ARFGEF1: variants seen among roughly 807,000 people sequenced by gnomAD.
The protein encoded by ARFGEF1 is ARF guanine nucleotide exchange factor 1.
A neutral mutation model predicts 231.0 loss-of-function variants in ARFGEF1; 42 were observed. The ratio of observed to expected loss-of-function variants is 0.18; its 90% CI spans 0.14 to 0.24. The LOEUF is 0.24. Among genes scored for constraint, ARFGEF1 ranks in the 10% least tolerant of loss-of-function variants. The pLI is 1.00. For synonymous variants in ARFGEF1, 710 were observed against 732.3 expected (o/e 0.97, Z 0.49); for missense variants, 1,345 against 2,192.0 (o/e 0.61, Z 7.72).
chr8:67,318,871 G>C (rs899812370), intron 1 of ARFGEF1, among the ~76,000 whole-genome samples: 1 of 152,174 alleles, frequency 6.6e-6, no homozygotes, highest in African/African-American at 2.4e-5. Context: ...TACTTGGGAG[G>C]CCAAGGCAGG....
chr8:67,301,059 T>G (rs1183088775), intron 3 of ARFGEF1, among the ~76,000 whole-genome samples, 165 bp downstream of exon 3: 1 of 152,240 alleles, frequency 6.6e-6, no homozygotes, highest in East Asian at 1.9e-4. Flanking sequence ...AATATCTTTT[T>G]GCAACTATTA....
chr8:67,288,464 GGCTCAT>G (rs1309896339), intron 6 of ARFGEF1, among the ~76,000 whole-genome samples: 1 of 151,016 alleles, frequency 6.6e-6, no homozygotes, highest in Non-Finnish European at 1.5e-5. Context: ...TGGGTGCAGT[GGCTCAT>G]GCCTGTAATT....
At chr8:67,188,156 C>A (rs1835203141) in intron 5 of ARFGEF1, among the ~76,000 whole-genome samples, 1 of 152,126 alleles carries the variant, frequency 6.6e-6, no homozygotes, top group Non-Finnish European at 1.5e-5. Context: ...GACTGTTATC[C>A]AAAATACACA....
chr8:67,326,683 CTG>C (rs1184109960), intron 1 of ARFGEF1, among the ~76,000 whole-genome samples: 2 of 152,154 alleles, frequency 1.3e-5, no homozygotes, highest in African/African-American at 4.8e-5. Flanking sequence ...TTCTTGGAAA[CTG>C]TGATTTTAAG....
chr8:67,299,142 G>C, intron 4 of ARFGEF1, 67 bp downstream of exon 4: 1 of 1,351,500 alleles, frequency 7.4e-7, no homozygotes, highest in Non-Finnish European at 1.0e-6. Context: ...AATGTTTTAA[G>C]GTGAAAGGCA....
chr8:67,309,340 C>A (rs1481317434), intron 1 of ARFGEF1, among the ~76,000 whole-genome samples: 1 of 152,218 alleles, frequency 6.6e-6, no homozygotes, highest in African/African-American at 2.4e-5. Flanking sequence ...CTTTAGTGAT[C>A]TGTTACATAG....
chr8:67,199,133 T>C, intron 38 of ARFGEF1, 35 bp from the exon 39 acceptor site: 4 of 1,592,872 alleles, frequency 2.5e-6, no homozygotes, highest in Middle Eastern at 4.0e-4. Context: ...TTAGTAGTGA[T>C]TGCAAACTGC....
At chr8:67,228,326 AG>A in intron 23 of ARFGEF1, 62 bp from the exon 24 acceptor site, 1 of 1,489,298 alleles carries the variant, frequency 6.7e-7, no homozygotes. Context: ...CCAATTGAAA[AG>A]TATGTGGCAT....
chr8:67,202,130 G>A (rs1222517793), intron 36 of ARFGEF1, among the ~76,000 whole-genome samples: 1 of 152,208 alleles, frequency 6.6e-6, no homozygotes, highest in Non-Finnish European at 1.5e-5. Context: ...TTTCAAATAA[G>A]CAAACATTAA....
At chr8:67,341,204 T>C (rs945468945) in intron 1 of ARFGEF1, among the ~76,000 whole-genome samples, 1 of 152,134 alleles carries the variant, frequency 6.6e-6, no homozygotes, top group Non-Finnish European at 1.5e-5. Flanking sequence ...AAGGAAAATA[T>C]ATACATACAC....
rs140709708 is a variant in ARFGEF1, at chr8:67,305,536, G to A, written c.125-3070C>T. 1.3e-3 allele frequency among the ~76,000 whole-genome samples: 205 copies of A among 152,186 alleles called. 2 individuals are homozygous for A. Among genetic ancestry groups the A allele is most frequent in the African/African-American group, 4.7e-3 (197 of 41,502 alleles). On this transcript the variant is annotated intron_variant, in intron 1 of 38. Transcript: ENST00000262215. ...TTAATTTTGTATTTTTAGTAGAGACGGGGTTTCTCCATGTTGGTCAGGCTG... is the reference window on the plus strand; with the variant it reads ...TTAATTTTGTATTTTTAGTAGAGACAGGGTTTCTCCATGTTGGTCAGGCTG...
At chr8:67,196,502 T>G (rs1837965127), downstream of ARFGEF1, among the ~76,000 whole-genome samples, 1 of 152,238 alleles carries the variant, frequency 6.6e-6, no homozygotes, top group Non-Finnish European at 1.5e-5. Context: ...CCATGACAGC[T>G]GAGAACATCC....
intron 5 of ARFGEF1, 56 bp downstream of exon 5, chr8:67,296,371 CCTTT>C (rs1806232843): frequency 6.8e-7 from 1 of 1,472,202 alleles, no homozygotes; most frequent in African/African-American, 1.4e-5. Context: ...ACTGTAAACT[CCTTT>C]CTATGTTTAA....
At chr8:67,252,282 C>CAAAAAAAA (rs57653248) in intron 18 of ARFGEF1, among the ~76,000 whole-genome samples, 1 of 21,872 alleles carries the variant, frequency 4.6e-5, no homozygotes, top group East Asian at 1.7e-3. Context: ...AACTCCATCT[C>CAAAAAAAA]AAAAAAAAAA....
chr8:67,221,041 C>A (rs568054083), intron 29 of ARFGEF1, among the ~76,000 whole-genome samples: 122 of 151,902 alleles, frequency 8.0e-4, no homozygotes, highest in Non-Finnish European at 1.6e-3. Context: ...CTATAAAGTT[C>A]CAATTGTCTT....
chr8:67,275,710 T>C (rs1382072743), intron 9 of ARFGEF1, among the ~76,000 whole-genome samples: 2 of 152,154 alleles, frequency 1.3e-5, no homozygotes, highest in Non-Finnish European at 2.9e-5. Context: ...GCATAAGTTA[T>C]CTATTCCAGC....
At chr8:67,291,007 C>T (rs1159542997) in intron 6 of ARFGEF1, among the ~76,000 whole-genome samples, 2 of 152,016 alleles carry the variant, frequency 1.3e-5, no homozygotes, top group Non-Finnish European at 2.9e-5. Context: ...AGAAATCCTT[C>T]CTCAAAGTGA....
chr8:67,195,645 A>G (rs1476244919), downstream of ARFGEF1: 4 of 1,489,186 alleles, frequency 2.7e-6, no homozygotes, highest in East Asian at 2.3e-5. Flanking sequence ...AGGAATGGTA[A>G]ATCTGTACCT....
rs758246358 is a variant in ARFGEF1, at chr8:67,227,125, G to A, written c.3916+12C>T. 1.9e-6 allele frequency: 3 copies of A among 1,603,988 alleles called. No homozygotes were observed. The highest frequency in any genetic ancestry group is 2.2e-5 in the East Asian group (1 of 44,690). ...TTTCCTTTTACTTGAACACAGCTAAGAGAATACTCACTGACAATGTGCCCG... is the reference window on the plus strand; with the variant it reads ...TTTCCTTTTACTTGAACACAGCTAAAAGAATACTCACTGACAATGTGCCCG... On this transcript the variant is annotated intron_variant, in intron 27 of 38. Transcript: ENST00000262215.
Sources: gnomAD v4.1 joint callset for allele counts (sites outside exome capture counted in the v4.1 genomes callset) on GRCh38, gnomAD v4.1.1 for gene constraint, MANE v1.5 for transcripts, NCBI Gene and HGNC (gene_info 2026-07-23, HGNC 2026-07-21) for gene names.